The following CAPN13 variants were observed in gnomAD, a reference collection of about 807,000 sequenced individuals.
The protein encoded by CAPN13 is calpain-13.
Under a neutral mutation model 98.4 loss-of-function variants are expected in CAPN13, and 90 were observed. That is an observed-to-expected ratio of 0.92 (90% CI 0.77 to 1.09). The LOEUF is 1.09. CAPN13 is among the 50% of genes least tolerant of loss of function. CAPN13 has a pLI of 0.00. For missense variants in CAPN13, 887 were observed against 841.3 expected (o/e 1.05, Z -0.67); for synonymous variants, 330 against 305.5 (o/e 1.08, Z -0.84).
intron 1 of CAPN13, among the ~76,000 whole-genome samples, chr2:30,800,124 G>GAAAAGAAAGAAAAGAAAGAAAAGAAAGA (rs1363360889): frequency 1.1e-4 from 12 of 110,078 alleles, no homozygotes; most frequent in African/African-American, 4.8e-4. Flanking sequence ...AGAAAAGAAA[G>GAAAAGAAAGAAAAGAAAGAAAAGAAAGA]AAAGAAAGAA....
At chr2:30,758,174 C>A in intron 7 of CAPN13, 37 bp from the exon 8 acceptor site, 1 of 1,453,682 alleles carries the variant, frequency 6.9e-7, no homozygotes, top group Non-Finnish European at 9.4e-7. Flanking sequence ...CAGTGCTCTA[C>A]AGCAAAAGTC....
chr2:30,805,230 A>C (rs1011562547), intron 1 of CAPN13, among the ~76,000 whole-genome samples: 24 of 152,154 alleles, frequency 1.6e-4, no homozygotes, highest in Non-Finnish European at 3.1e-4. Context: ...TGTCCTCTCT[A>C]CCCTTGCTCG....
Position 30,787,289 on chromosome 2 carries a change from T to TG in CAPN13, c.36dup (p.Ile13HisfsTer24). 6.2e-7 allele frequency: 1 copy of TG among 1,613,472 alleles called. No individual in the cohort carries two copies. On this transcript the variant is annotated frameshift_variant, in exon 2 of 23. Coordinates refer to ENST00000295055, the MANE Select transcript of CAPN13 (RefSeq NM_144575.3). LOFTEE classifies it high-confidence loss of function. Reference sequence around the variant, plus strand: ...AAGTCCTGGTCTTTGAACTTGATGATGGAGGTCTCCACTGAAGGCTCCTGG... The same window carrying TG: ...AAGTCCTGGTCTTTGAACTTGATGATGGGAGGTCTCCACTGAAGGCTCCTGG...
chr2:30,740,059 G>A (rs1671570988), intron 15 of CAPN13, among the ~76,000 whole-genome samples: 1 of 150,662 alleles, frequency 6.6e-6, no homozygotes, highest in East Asian at 2.0e-4. Flanking sequence ...AGAACCGGTG[G>A]TAGTATCAAG....
At chr2:30,727,441 C>T (rs1275061747) in intron 22 of CAPN13, among the ~76,000 whole-genome samples, 1 of 152,110 alleles carries the variant, frequency 6.6e-6, no homozygotes, top group Non-Finnish European at 1.5e-5. Context: ...CTACAATATA[C>T]AAAGAACATC....
chr2:30,802,987 G>C (rs1675379972), intron 1 of CAPN13, among the ~76,000 whole-genome samples: 1 of 152,202 alleles, frequency 6.6e-6, no homozygotes, highest in South Asian at 2.1e-4. Context: ...GACGGAACGT[G>C]CATCTGGTGG....
chr2:30,787,076 A>AG (rs1674322614), intron 2 of CAPN13, 52 bp downstream of exon 2: 2 of 1,419,114 alleles, frequency 1.4e-6, no homozygotes, highest in Non-Finnish European at 1.9e-6. Flanking sequence ...GTGCCATGGC[A>AG]GGCGACTCCG....
At chr2:30,777,011 T>C (rs537727796) in intron 3 of CAPN13, among the ~76,000 whole-genome samples, 1 of 152,156 alleles carries the variant, frequency 6.6e-6, no homozygotes, top group African/African-American at 2.4e-5. Flanking sequence ...CTCAGAAGGG[T>C]TGTTGTTTTT....
At chr2:30,745,574 G>T in intron 12 of CAPN13, 149 bp downstream of exon 12, 1 of 707,166 alleles carries the variant, frequency 1.4e-6, no homozygotes. Context: ...AACCTGTTTG[G>T]GGATTCTAGG....
At chr2:30,744,800 G>A (rs1671826357) in intron 12 of CAPN13, among the ~76,000 whole-genome samples, 1 of 152,166 alleles carries the variant, frequency 6.6e-6, no homozygotes, top group Non-Finnish European at 1.5e-5. Context: ...GACTGGTCAT[G>A]CACAGACCTG....
intron 7 of CAPN13, among the ~76,000 whole-genome samples, chr2:30,759,166 C>T (rs562654443): frequency 1.3e-5 from 2 of 149,704 alleles, no homozygotes; most frequent in Non-Finnish European, 3.0e-5. Context: ...TTCCTCCCTC[C>T]CTCGTTTTTC....
intron 8 of CAPN13, 23 bp downstream of exon 8, chr2:30,758,021 GGA>G: frequency 2.5e-6 from 4 of 1,568,968 alleles, no homozygotes; most frequent in Non-Finnish European, 2.6e-6. Flanking sequence ...TGTGAAGGAT[GGA>G]GAGAGGTTTC....
chr2:30,742,036 G>T, intron 14 of CAPN13, 72 bp from the exon 15 acceptor site: 1 of 1,357,830 alleles, frequency 7.4e-7, no homozygotes, highest in Non-Finnish European at 1.1e-6. Flanking sequence ...CAGCAAGGGT[G>T]CAACAACCCC....
chr2:30,806,864 C>T lies in CAPN13; in HGVS notation c.-33+438G>A, dbSNP rs1328532341. Among the ~76,000 whole-genome samples the T allele has an allele frequency of 3.3e-5, 5 of 152,174 alleles. No individual in the cohort carries two copies. The East Asian group carries it at 9.6e-4, about 29-fold the overall frequency. The stretch of plus-strand genomic sequence containing the variant: ...TGATTAGAAAACAAAGGGCCCAGGT[C>T]CCATTCTTCCCTTTAGCAAATGTTT... On this transcript the variant is annotated intron_variant, in intron 1 of 22. Coordinates refer to ENST00000295055, the MANE Select transcript of CAPN13 (RefSeq NM_144575.3).
At chr2:30,742,051 A>C in intron 14 of CAPN13, 87 bp from the exon 15 acceptor site, 1 of 1,230,022 alleles carries the variant, frequency 8.1e-7, no homozygotes, top group South Asian at 1.3e-5. Flanking sequence ...AACCCCTGCC[A>C]AGATCTGAGA....
At chr2:30,762,501 T>G (rs773734272) in intron 7 of CAPN13, among the ~76,000 whole-genome samples, 1 of 152,168 alleles carries the variant, frequency 6.6e-6, no homozygotes, top group African/African-American at 2.4e-5. Flanking sequence ...AATTCATGCC[T>G]TCTATATGGA....
chr2:30,776,196 G>A (rs1290762323), intron 3 of CAPN13, among the ~76,000 whole-genome samples, 151 bp from the exon 4 acceptor site: 1 of 152,098 alleles, frequency 6.6e-6, no homozygotes, highest in East Asian at 1.9e-4. Context: ...GGGGGAGGGA[G>A]TCACAGGGAC....
At chr2:30,806,037 C>T (rs906478760) in intron 1 of CAPN13, 1 of 152,170 alleles carries the variant, frequency 6.6e-6, no homozygotes, top group African/African-American at 2.4e-5. Context: ...ACCTCGGCCT[C>T]CCAAAGTGTT....
rs568446077 is a variant in CAPN13 at position 30,777,479 on chromosome 2, C to T, written c.271+88G>A. ...AGCACCAAGGGAACTGGCCTTTCTCCCTCAGAAGTGGGGCAGGACTCTGTG... is the reference window on the plus strand; with the variant it reads ...AGCACCAAGGGAACTGGCCTTTCTCTCTCAGAAGTGGGGCAGGACTCTGTG... On this transcript the variant is annotated intron_variant, in intron 3 of 22. Transcript: ENST00000295055. The T allele has an allele frequency of 3.1e-5, 37 of 1,201,364 alleles. No individual in the cohort carries two copies. The South Asian group carries it at 4.6e-4, about 15-fold the overall frequency. The allele number at this position is 1,201,364 out of a possible 1,614,324, so 74.4% of individuals were successfully genotyped here.
Sources: gnomAD v4.1 joint callset for allele counts (sites outside exome capture counted in the v4.1 genomes callset) on GRCh38, gnomAD v4.1.1 for gene constraint, MANE v1.5 for transcripts, NCBI Gene and HGNC (gene_info 2026-07-23, HGNC 2026-07-21) for gene names.